The following LCOR variants were observed in gnomAD, a reference collection of about 807,000 sequenced individuals.
LCOR encodes ligand-dependent corepressor.
Under a neutral mutation model 64.4 loss-of-function variants are expected in LCOR, and 14 were observed. The observed-to-expected ratio is 0.22, with a 90% CI of 0.14 to 0.34. LCOR has a LOEUF of 0.34. LCOR is among the 10% of genes least tolerant of loss of function. The probability of loss-of-function intolerance (pLI) is 1.00; values close to 1 mark genes in which losing one functional copy is unlikely to be tolerated. For missense variants in LCOR, 1,686 were observed against 1,765.3 expected, an observed-to-expected ratio of 0.96 and a Z score of 0.80; for synonymous variants, 643 against 642.5, an observed-to-expected ratio of 1.00 and a Z score of -0.01.
chr10:96,866,288 AATT>A (rs1326754322), intron 2 of LCOR, among the ~76,000 whole-genome samples: 1 of 152,182 alleles, frequency 6.6e-6, no homozygotes, highest in Non-Finnish European at 1.5e-5. Context: ...AGCCATAGGC[AATT>A]ATTAGTATAC....
chr10:96,833,364 C>A, intron 1 of LCOR, 42 bp from the exon 2 acceptor site: 1 of 979,728 alleles, frequency 1.0e-6, no homozygotes, highest in Non-Finnish European at 1.2e-6. Context: ...GGCCGAGCTG[C>A]GCCTCTCACA....
intron 7 of LCOR, chr10:96,955,873 A>T: frequency 6.2e-7 from 1 of 1,614,164 alleles, no homozygotes. Flanking sequence ...ATTGAATTAG[A>T]TCCCCAGGGA....
At chr10:96,915,948 A>C (rs1017141629) in intron 4 of LCOR, 4 of 352,156 alleles carry the variant, frequency 1.1e-5, no homozygotes, top group South Asian at 1.1e-4. Context: ...CGCAGGATGC[A>C]GTGGTGCGTG....
Position 96,989,919 on chromosome 10 carries a change from C to T in LCOR, c.*4785C>T, listed in dbSNP as rs1277856048. 6.6e-6 allele frequency: 1 copy of T among 151,290 alleles called. No individual in the cohort carries two copies. Among genetic ancestry groups the T allele is most frequent in the East Asian group, 1.9e-4 (1 of 5,188 alleles). The allele number at this position is 151,290 out of a possible 1,614,324, so 9.4% of individuals were successfully genotyped here. A position where few individuals can be genotyped will look rare whatever the true frequency, so the allele number is the denominator to read the frequency against. On this transcript the variant is annotated 3_prime_UTR_variant, in exon 8 of 8. Transcript: ENST00000421806. Reference sequence around the variant, plus strand: ...AAAATTTTTGTCAGTGGCCCCAAATCACTGATCGTTTTAGTTGTTTTGAAA... The same window carrying T: ...AAAATTTTTGTCAGTGGCCCCAAATTACTGATCGTTTTAGTTGTTTTGAAA...
intron 4 of LCOR, among the ~76,000 whole-genome samples, chr10:96,927,933 G>T (rs1847196537): frequency 1.3e-5 from 2 of 152,218 alleles, no homozygotes; most frequent in Non-Finnish European, 2.9e-5. Context: ...TCTGTTAAGT[G>T]TGCAATAGCA....
At chr10:96,923,033 T>G (rs1457705587) in intron 4 of LCOR, among the ~76,000 whole-genome samples, 1 of 152,210 alleles carries the variant, frequency 6.6e-6, no homozygotes, top group Non-Finnish European at 1.5e-5. Context: ...TAAAAAGCAA[T>G]AATTTAAGCA....
At chr10:96,962,785 A>T (rs1468757564) in intron 7 of LCOR, 1 of 152,180 alleles carries the variant, frequency 6.6e-6, no homozygotes, top group Non-Finnish European at 1.5e-5. Context: ...TATAAACTAT[A>T]CATTTGGAGT....
chr10:96,896,517 A>G (rs755287025), intron 2 of LCOR, among the ~76,000 whole-genome samples: 2 of 152,024 alleles, frequency 1.3e-5, no homozygotes, highest in Non-Finnish European at 2.9e-5. Flanking sequence ...TCCACCACCC[A>G]GGCTCAAGCG....
chr10:96,847,908 T>C lies in LCOR; in HGVS notation c.-330+14429T>C, dbSNP rs73318671. On this transcript the variant is annotated intron_variant, in intron 2 of 7. Coordinates refer to ENST00000421806, the MANE Select transcript of LCOR (RefSeq NM_001346516.2). ...AGATAGCAGAGGATTGAAGACCCGGTTTTTGCCTTTTTTCCCCCCTTTTCC... is the reference window on the plus strand; with the variant it reads ...AGATAGCAGAGGATTGAAGACCCGGCTTTTGCCTTTTTTCCCCCCTTTTCC... Among the ~76,000 whole-genome samples the C allele has an allele frequency of 2.1e-3, 313 of 152,232 alleles. 1 individual carries two copies. The highest frequency in any genetic ancestry group is 7.1e-3 in the African/African-American group (295 of 41,518).
At chr10:96,839,387 G>A (rs1372096718) in intron 2 of LCOR, among the ~76,000 whole-genome samples, 1 of 152,180 alleles carries the variant, frequency 6.6e-6, no homozygotes, top group East Asian at 1.9e-4. Flanking sequence ...AGAATAAGGA[G>A]CGTAGTAATA....
At chr10:96,920,570 GTATA>G (rs1202736623) in intron 4 of LCOR, among the ~76,000 whole-genome samples, 1 of 137,330 alleles carries the variant, frequency 7.3e-6, no homozygotes, top group African/African-American at 2.7e-5. Context: ...ATATATGTAT[GTATA>G]TTCATATATA....
chr10:96,937,058 A>G (rs1847363402), intron 4 of LCOR, among the ~76,000 whole-genome samples: 1 of 152,240 alleles, frequency 6.6e-6, no homozygotes, highest in Non-Finnish European at 1.5e-5. Flanking sequence ...AGGTCTTTGC[A>G]GGTGTAATCA....
intron 7 of LCOR, among the ~76,000 whole-genome samples, chr10:96,976,128 C>T (rs180813000): frequency 1.6e-4 from 25 of 152,276 alleles, no homozygotes; most frequent in Admixed American, 1.6e-3. Context: ...ACAAGAATAC[C>T]CTGGTACCTG....
At chr10:96,906,243 C>G (rs544698628) in intron 2 of LCOR, among the ~76,000 whole-genome samples, 1 of 152,298 alleles carries the variant, frequency 6.6e-6, no homozygotes, top group African/African-American at 2.4e-5. Flanking sequence ...TACTTTATTG[C>G]AGTAATCCTA....
chr10:96,924,628 C>T (rs981216052), intron 4 of LCOR, among the ~76,000 whole-genome samples: 3 of 151,928 alleles, frequency 2.0e-5, no homozygotes, highest in Admixed American at 1.3e-4. Context: ...TACCCTTCAC[C>T]GAGATTCACC....
At chr10:96,947,077 G>A (rs1847601734) in intron 5 of LCOR, among the ~76,000 whole-genome samples, 1 of 151,978 alleles carries the variant, frequency 6.6e-6, no homozygotes. Context: ...AAATTCAATG[G>A]ATGGAGATAT....
intron 2 of LCOR, among the ~76,000 whole-genome samples, chr10:96,905,091 T>C (rs1846705206): frequency 6.6e-6 from 1 of 152,196 alleles, no homozygotes; most frequent in South Asian, 2.1e-4. Flanking sequence ...TCTTTGTCAT[T>C]GCTTTTTCAT....
intron 2 of LCOR, among the ~76,000 whole-genome samples, chr10:96,879,907 C>T (rs1428483930): frequency 1.3e-5 from 2 of 152,174 alleles, no homozygotes; most frequent in South Asian, 2.1e-4. Context: ...AAGTAATCTG[C>T]CCACCTCGGC....
chr10:96,958,298 C>T, intron 7 of LCOR: 2 of 1,465,316 alleles, frequency 1.4e-6, no homozygotes, highest in Non-Finnish European at 1.8e-6. Context: ...GAGGTTTAAT[C>T]CTATGTGGTA....
Sources: allele counts gnomAD v4.1 joint callset (sites outside exome capture counted in the v4.1 genomes callset), GRCh38; gene constraint gnomAD v4.1.1; transcripts MANE v1.5; gene names NCBI Gene and HGNC (gene_info 2026-07-23, HGNC 2026-07-21).